The following BACE1 variants were observed in gnomAD, a reference collection of about 807,000 sequenced individuals.
The protein encoded by BACE1 is beta-secretase 1.
A neutral mutation model predicts 54.0 loss-of-function variants in BACE1; 21 were observed. That is an observed-to-expected ratio of 0.39 (90% CI 0.28 to 0.56). The LOEUF is 0.56. Ranked by LOEUF, BACE1 falls within the 20% of genes least tolerant of loss-of-function variation. The pLI, the probability that BACE1 is intolerant of heterozygous loss-of-function variation, is 0.63. For synonymous variants in BACE1, 232 were observed against 260.9 expected, an observed-to-expected ratio of 0.89 and a Z score of 1.07; for missense variants, 511 against 661.2, an observed-to-expected ratio of 0.77 and a Z score of 2.49.
intron 2 of BACE1, chr11:117,295,583 C>G (rs992858444): frequency 6.5e-7 from 1 of 1,535,600 alleles, no homozygotes; most frequent in Non-Finnish European, 8.7e-7. Context: ...TGCTCATATT[C>G]CTAGATCTTG....
intron 5 of BACE1, 75 bp downstream of exon 5, chr11:117,292,979 A>T: frequency 5.2e-6 from 8 of 1,550,890 alleles, no homozygotes; most frequent in Non-Finnish European, 7.0e-6. Flanking sequence ...TCCTCCCAAC[A>T]TGATAACCAG....
At position 117,315,698 on chromosome 11, in the gene BACE1, C is replaced by A; in HGVS notation, c.98G>T (p.Gly33Val). The A allele has an allele frequency of 6.6e-7, 1 of 1,510,380 alleles. No individual in the cohort carries two copies. The highest frequency in any genetic ancestry group is 8.8e-7 in the Non-Finnish European group (1 of 1,131,674). The allele number at this position is 1,510,380 out of a possible 1,614,324, so 93.6% of individuals were successfully genotyped here. Residue 33 changes from glycine to valine, a missense_variant, in exon 1 of 9, where the codon GGC (glycine) becomes GTC (valine). Transcript: ENST00000313005. The surrounding 1 kb of genome is among the most constrained non-coding windows in gnomAD (Gnocchi z 5.5). The part of the protein sequence containing the change: ...QHGIRLPLRS[G>V]LGGAPLGLRL... ...CAGCCCCAGGGGGGCGCCCCCCAGG[C>A]CGCTGCGCAGGGGCAGCCGGATGCC...
Position 117,295,158 on chromosome 11 carries a change from C to G in BACE1, c.540G>C (p.Leu180=), listed in dbSNP as rs2034565743. Residue 180 remains leucine (L), a synonymous_variant, in exon 3 of 9, where the codon CTG becomes CTC. Transcript: ENST00000313005. The part of the protein sequence containing the change: ...FINGSNWEGI[L]GLAYAEIARP... ...TGGCAATCTCAGCATAGGCCAGCCC[C>G]AGGATGCCTTCCCAGTTGGAGCCGT... 6.2e-7 allele frequency: 1 copy of G among 1,614,088 alleles called. No individual in the cohort carries two copies. The highest frequency in any genetic ancestry group is 8.5e-7 in the Non-Finnish European group (1 of 1,180,046).
At chr11:117,296,751 C>T in intron 2 of BACE1, 122 bp downstream of exon 2, 1 of 766,638 alleles carries the variant, frequency 1.3e-6, no homozygotes, top group Non-Finnish European at 2.1e-6. Flanking sequence ...TTTCGCCCTT[C>T]CCCTTCCCTG....
In BACE1 at chr11:117,296,879, C is replaced by T; in HGVS notation, c.344G>A (p.Arg115Lys). The T allele has an allele frequency of 6.2e-7, 1 of 1,613,076 alleles. No individual in the cohort carries two copies. Among genetic ancestry groups the T allele is most frequent in the Non-Finnish European group, 8.5e-7 (1 of 1,179,456 alleles). ...PHPFLHRYYQRQLSSTYRDLR... is the reference protein window; with the variant it reads ...PHPFLHRYYQKQLSSTYRDLR... The stretch of plus-strand genomic sequence containing the variant: ...GGCTCTCCCCAGGACTCACAGCTGC[C>T]TCTGGTAGTAGCGATGCAGGAAGGG... Residue 115 changes from arginine (R) to lysine (K), a missense_variant, in exon 2 of 9, where the codon AGG (arginine) becomes AAG (lysine). Arg to Lys is a conservative substitution (Grantham distance 26, BLOSUM62 2). Coordinates refer to ENST00000313005, the MANE Select transcript of BACE1 (RefSeq NM_012104.6).
At chr11:117,296,808 CCT>C in intron 2 of BACE1, 63 bp downstream of exon 2, 1 of 1,297,546 alleles carries the variant, frequency 7.7e-7, no homozygotes. Flanking sequence ...GTACCCCTCC[CCT>C]GACCCTTCTT....
intron 8 of BACE1, 102 bp from the exon 9 acceptor site, chr11:117,289,909 G>A: frequency 9.7e-7 from 1 of 1,035,474 alleles, no homozygotes; most frequent in Non-Finnish European, 1.4e-6. Context: ...CCATGCAGAA[G>A]TTATCTAATC....
chr11:117,299,195 C>T (rs1053704887), intron 1 of BACE1, among the ~76,000 whole-genome samples: 2 of 152,122 alleles, frequency 1.3e-5, no homozygotes, highest in South Asian at 4.1e-4. Flanking sequence ...CTACTATATC[C>T]TCACAGGCAA....
At chr11:117,296,540 T>G (rs766979157) in intron 2 of BACE1, among the ~76,000 whole-genome samples, 2 of 152,142 alleles carry the variant, frequency 1.3e-5, no homozygotes, top group Non-Finnish European at 2.9e-5. Context: ...ATGTGGGGTT[T>G]TCGTCTCCCC....
In BACE1 at chr11:117,293,300, G is replaced by GCTAC; in HGVS notation, c.706-116_706-113dup. On this transcript the variant is annotated intron_variant, in intron 4 of 8. Coordinates refer to ENST00000313005, the MANE Select transcript of BACE1 (RefSeq NM_012104.6). This position sits in a 1 kb window ranked among gnomAD's most constrained non-coding sequence, Gnocchi z 4.1. ...CTTGGGGTGGCAAGGTCTTCTACAG[G>GCTAC]CTACCCTTTTCATCTTCCTGCTTCT... 8.8e-7 allele frequency: 1 copy of GCTAC among 1,134,744 alleles called. No homozygotes were observed. The highest frequency in any genetic ancestry group is 1.2e-6 in the Non-Finnish European group (1 of 804,540). 70.3% of individuals were successfully genotyped at this position (1,134,744 alleles called of 1,614,324 possible).
intron 8 of BACE1, 59 bp from the exon 9 acceptor site, chr11:117,289,866 A>G: frequency 6.7e-7 from 1 of 1,503,524 alleles, no homozygotes; most frequent in South Asian, 1.1e-5. Context: ...GTTAACAAAA[A>G]GAACTTCCTG....
Position 117,289,466 on chromosome 11 carries a change from T to A in BACE1, c.*100A>T. On this transcript the variant is annotated 3_prime_UTR_variant, in exon 9 of 9. Transcript: ENST00000313005. Reference sequence around the variant, plus strand: ...TTGGTGGGTGGGGAGGGTCCTGAGGTGCTCTGGCCACAGGTGCCATCTGTG... The same window carrying A: ...TTGGTGGGTGGGGAGGGTCCTGAGGAGCTCTGGCCACAGGTGCCATCTGTG... 1 of 1,506,698 alleles carries A rather than the reference T, an allele frequency of 6.6e-7. No homozygotes were observed. 93.3% of individuals were successfully genotyped at this position (1,506,698 alleles called of 1,614,324 possible).
chr11:117,315,728 T>G lies in BACE1; in HGVS notation c.68A>C (p.Gln23Pro), dbSNP rs1216601517. 6.8e-7 allele frequency: 1 copy of G among 1,481,128 alleles called. No homozygotes were observed. The allele number at this position is 1,481,128 out of a possible 1,614,324, so 91.7% of individuals were successfully genotyped here. A position where few individuals can be genotyped will look rare whatever the true frequency, so the allele number is the denominator to read the frequency against. ...GAGVLPAHGT[Q>P]HGIRLPLRSG... is the part of the protein sequence containing the mutation. The stretch of plus-strand genomic sequence containing the variant: ...GCGCAGGGGCAGCCGGATGCCGTGC[T>G]GGGTGCCGTGGGCAGGCAGCACTCC... The change falls in exon 1 of 9, where the codon CAG becomes CCG. Residue 23 changes from glutamine to proline, a missense_variant. Transcript: ENST00000313005. This position sits in a 1 kb window ranked among gnomAD's most constrained non-coding sequence, Gnocchi z 5.5.
At position 117,296,857 on chromosome 11, in the gene BACE1, T is replaced by C. The variant is rs1250376334; in HGVS notation, c.350+16A>G. The C allele has an allele frequency of 5.6e-6, 9 of 1,598,444 alleles. No homozygotes were observed. Among genetic ancestry groups the C allele is most frequent in the Admixed American group, 1.7e-5 (1 of 58,850 alleles). On this transcript the variant is annotated intron_variant, in intron 2 of 8. Transcript: ENST00000313005. Reference sequence around the variant, plus strand: ...CTTGGAAAAGGTACTTCCCCCGGGCTCTCCCCAGGACTCACAGCTGCCTCT... The same window carrying C: ...CTTGGAAAAGGTACTTCCCCCGGGCCCTCCCCAGGACTCACAGCTGCCTCT...
rs921066710 is a variant in BACE1 at position 117,295,790 on chromosome 11, G to GA, written c.351-444dup. The stretch of plus-strand genomic sequence containing the variant: ...TGGTAGAGAAAGTGCCAGGCAGGGT[G>GA]AATGTGGAACCTCTACAGCAAGTTC... On this transcript the variant is annotated intron_variant, in intron 2 of 8. Coordinates refer to ENST00000313005, the MANE Select transcript of BACE1 (RefSeq NM_012104.6). 19 of 745,250 alleles carry GA rather than the reference G, an allele frequency of 2.5e-5. No homozygotes were observed. The African/African-American group carries it at 3.6e-4, about 14-fold the overall frequency. 46.2% of individuals were successfully genotyped at this position (745,250 alleles called of 1,614,324 possible).
chr11:117,308,777 C>T (rs1470253185), intron 1 of BACE1, among the ~76,000 whole-genome samples: 1 of 151,802 alleles, frequency 6.6e-6, no homozygotes, highest in Non-Finnish European at 1.5e-5. Context: ...GGTGAAACCC[C>T]CATCTCTACT....
chr11:117,293,209 G>GT lies in BACE1; in HGVS notation c.706-22dup. The GT allele has an allele frequency of 1.9e-6, 3 of 1,611,836 alleles. No individual in the cohort carries two copies. Among genetic ancestry groups the GT allele is most frequent in the Non-Finnish European group, 8.5e-7 (1 of 1,179,126 alleles). ...ATGATCTAGGGAAAAAAAGAGGCAG[G>GT]TACCCGTGTCCTGGCACAGAAGGAG... On this transcript the variant is annotated intron_variant, in intron 4 of 8. Coordinates refer to ENST00000313005, the MANE Select transcript of BACE1 (RefSeq NM_012104.6). The surrounding 1 kb of genome is among the most constrained non-coding windows in gnomAD (Gnocchi z 4.1).
In BACE1 at chr11:117,293,792, G is replaced by A. The variant is rs2034521968; in HGVS notation, c.705+79C>T. ...TAAGTATCGGAGCCAAAACTGTGGT[G>A]TAGCTTTCAGGAAGGGGAGAGGATG... On this transcript the variant is annotated intron_variant, in intron 4 of 8. Transcript: ENST00000313005. This position sits in a 1 kb window ranked among gnomAD's most constrained non-coding sequence, Gnocchi z 4.1. The A allele has an allele frequency of 2.0e-6, 3 of 1,467,684 alleles. No homozygotes were observed. The highest frequency in any genetic ancestry group is 2.7e-6 in the Non-Finnish European group (3 of 1,095,668). 90.9% of individuals were successfully genotyped at this position (1,467,684 alleles called of 1,614,324 possible). A position where few individuals can be genotyped will look rare whatever the true frequency, so the allele number is the denominator to read the frequency against.
chr11:117,293,019 C>G lies in BACE1; in HGVS notation c.840+35G>C, dbSNP rs777086146. 26 of 1,610,442 alleles carry G rather than the reference C, an allele frequency of 1.6e-5. No individual in the cohort carries two copies. Among genetic ancestry groups the G allele is most frequent in the East Asian group, 1.6e-4 (7 of 44,820 alleles). ...TTCCTTCACATTGTACTGCCTACCC[C>G]CTTATGTTCCCAGGCTCTCCCTTGG... On this transcript the variant is annotated intron_variant, in intron 5 of 8. Transcript: ENST00000313005. The surrounding 1 kb of genome is among the most constrained non-coding windows in gnomAD (Gnocchi z 4.1).
Sources: allele counts gnomAD v4.1 joint callset (sites outside exome capture counted in the v4.1 genomes callset), GRCh38; gene constraint gnomAD v4.1.1; non-coding constraint Gnocchi (gnomAD v3.1); transcripts MANE v1.5; gene names NCBI Gene and HGNC (gene_info 2026-07-23, HGNC 2026-07-21).